The following HS6ST3 variants were observed in gnomAD, a reference collection of about 807,000 sequenced individuals.
The protein encoded by HS6ST3 is heparan sulfate 6-O-sulfotransferase 3.
In HS6ST3, 12 loss-of-function variants were observed where a neutral mutation model predicts 36.7. That is an observed-to-expected ratio of 0.33 (90% CI 0.21 to 0.53). HS6ST3 has a LOEUF of 0.53. Ranked by LOEUF, HS6ST3 falls within the 20% of genes least tolerant of loss-of-function variation. The pLI, the probability that HS6ST3 is intolerant of heterozygous loss-of-function variation, is 0.95. For synonymous variants in HS6ST3, 240 were observed against 257.5 expected (o/e 0.93, Z 0.65); for missense variants, 584 against 640.9 (o/e 0.91, Z 0.96).
At chr13:96,727,318 C>A (rs1019068368) in intron 1 of HS6ST3, among the ~76,000 whole-genome samples, 10 of 152,050 alleles carry the variant, frequency 6.6e-5, no homozygotes, top group African/African-American at 2.4e-4. Flanking sequence ...ATCGTAGTAC[C>A]TGGCATGTAG....
chr13:96,755,731 C>T lies in HS6ST3; in HGVS notation c.708-76759C>T, dbSNP rs559791557. 4.1e-4 allele frequency among the ~76,000 whole-genome samples: 62 copies of T among 152,300 alleles called. No homozygotes were observed. In the South Asian group the frequency reaches 0.012, roughly 29 times the overall value. ...GAATGTAAGCCAGCTTTTAAAAATC[C>T]ATTTTCCTACTAATAGACTTTTGGG... On this transcript the variant is annotated intron_variant, in intron 1 of 1. Transcript: ENST00000376705.
chr13:96,618,431 T>A (rs1481631195), intron 1 of HS6ST3, among the ~76,000 whole-genome samples: 3 of 152,176 alleles, frequency 2.0e-5, no homozygotes, highest in Admixed American at 1.3e-4. Flanking sequence ...AATTTTTACC[T>A]TTCTGGGCCA....
At chr13:96,391,666 G>A (rs1008303196) in intron 1 of HS6ST3, among the ~76,000 whole-genome samples, 20 of 152,100 alleles carry the variant, frequency 1.3e-4, no homozygotes, top group Non-Finnish European at 2.1e-4. Context: ...AGCAAGTCAC[G>A]TATTACATGG....
intron 1 of HS6ST3, among the ~76,000 whole-genome samples, chr13:96,188,905 C>T (rs1052382144): frequency 1.3e-5 from 2 of 151,948 alleles, no homozygotes; most frequent in East Asian, 1.9e-4. Context: ...TATACTATTT[C>T]GTATTTAATT....
intron 1 of HS6ST3, among the ~76,000 whole-genome samples, chr13:96,662,275 G>C (rs1463662028): frequency 6.6e-6 from 1 of 152,006 alleles, no homozygotes; most frequent in Non-Finnish European, 1.5e-5. Flanking sequence ...CAAATTTCTT[G>C]AAGCCTTTGT....
intron 1 of HS6ST3, among the ~76,000 whole-genome samples, chr13:96,572,737 G>A (rs899464375): frequency 6.6e-6 from 1 of 151,908 alleles, no homozygotes; most frequent in Non-Finnish European, 1.5e-5. Flanking sequence ...AGCCTAAACT[G>A]TTGGTGCTGC....
chr13:96,754,880 G>T (rs1245869048), intron 1 of HS6ST3, among the ~76,000 whole-genome samples: 2 of 151,820 alleles, frequency 1.3e-5, no homozygotes, highest in African/African-American at 2.4e-5. Flanking sequence ...TACATTATAG[G>T]TGTAACGTAC....
chr13:96,243,990 A>G (rs561555311), intron 1 of HS6ST3, among the ~76,000 whole-genome samples: 26 of 152,100 alleles, frequency 1.7e-4, no homozygotes, highest in African/African-American at 5.5e-4. Flanking sequence ...GTGGACTTCA[A>G]GATAAACAAA....
chr13:96,497,354 A>C (rs751478404), intron 1 of HS6ST3, among the ~76,000 whole-genome samples: 2 of 152,192 alleles, frequency 1.3e-5, no homozygotes. Flanking sequence ...AATGTGAGGT[A>C]CAAATAGTGA....
intron 1 of HS6ST3, among the ~76,000 whole-genome samples, chr13:96,341,775 G>A (rs2055131717): frequency 6.6e-6 from 1 of 152,120 alleles, no homozygotes; most frequent in Admixed American, 6.5e-5. Flanking sequence ...CTTATGGACT[G>A]TTTAAAAATG....
intron 1 of HS6ST3, among the ~76,000 whole-genome samples, chr13:96,417,049 C>T (rs562379521): frequency 3.5e-4 from 53 of 152,256 alleles, no homozygotes; most frequent in Admixed American, 2.9e-3. Context: ...CGCGCCCGGC[C>T]GGCATGGGGT....
chr13:96,325,254 A>G (rs2055024580), intron 1 of HS6ST3, among the ~76,000 whole-genome samples: 1 of 152,178 alleles, frequency 6.6e-6, no homozygotes, highest in African/African-American at 2.4e-5. Flanking sequence ...ATGCAGTTAT[A>G]TAAATGATAC....
chr13:96,452,242 A>T (rs1231592554), intron 1 of HS6ST3, among the ~76,000 whole-genome samples: 1 of 152,192 alleles, frequency 6.6e-6, no homozygotes, highest in Non-Finnish European at 1.5e-5. Flanking sequence ...ATTCATAGAG[A>T]TTCAGAACTT....
At chr13:96,449,746 T>G (rs1288718182) in intron 1 of HS6ST3, among the ~76,000 whole-genome samples, 1 of 152,224 alleles carries the variant, frequency 6.6e-6, no homozygotes, top group Non-Finnish European at 1.5e-5. Flanking sequence ...ATGTTCATTA[T>G]TATAGAGAAT....
chr13:96,834,211 C>T lies in HS6ST3; in HGVS notation c.*1013C>T, dbSNP rs571451243. The T allele has an allele frequency of 1.3e-5, 2 of 152,066 alleles. No individual in the cohort carries two copies. The highest frequency in any genetic ancestry group is 2.1e-4 in the South Asian group (1 of 4,806). 9.4% of individuals were successfully genotyped at this position (152,066 alleles called of 1,614,324 possible). A position where few individuals can be genotyped will look rare whatever the true frequency, so the allele number is the denominator to read the frequency against. On this transcript the variant is annotated 3_prime_UTR_variant, in exon 2 of 2. Coordinates refer to ENST00000376705, the MANE Select transcript of HS6ST3 (RefSeq NM_153456.4). ...AGAAAGATGTTTTTAAAAGCTTGGC[C>T]CAAAGAATAGGAACTTAGCTAGCAT...
At chr13:96,481,799 A>G (rs1566373425) in intron 1 of HS6ST3, among the ~76,000 whole-genome samples, 1 of 152,148 alleles carries the variant, frequency 6.6e-6, no homozygotes, top group Admixed American at 6.5e-5. Flanking sequence ...GGATAACATT[A>G]TGTGTGCCAA....
intron 1 of HS6ST3, among the ~76,000 whole-genome samples, chr13:96,231,288 C>T (rs2054506796): frequency 6.6e-6 from 1 of 152,086 alleles, no homozygotes. Context: ...TGTGACACTC[C>T]CAAGTCCCAA....
intron 1 of HS6ST3, among the ~76,000 whole-genome samples, chr13:96,207,551 C>G (rs1319577969): frequency 2.6e-5 from 4 of 151,882 alleles, no homozygotes; most frequent in Non-Finnish European, 5.9e-5. Context: ...CAGCACTATT[C>G]ACAATAGCAA....
chr13:96,706,243 G>A (rs182454658), intron 1 of HS6ST3, among the ~76,000 whole-genome samples: 38 of 151,756 alleles, frequency 2.5e-4, no homozygotes, highest in Non-Finnish European at 3.7e-4. Context: ...ATTAGTTCCC[G>A]GATGCTGTGT....
Sources: allele counts gnomAD v4.1 joint callset (sites outside exome capture counted in the v4.1 genomes callset), GRCh38; gene constraint gnomAD v4.1.1; transcripts MANE v1.5; gene names NCBI Gene and HGNC (gene_info 2026-07-23, HGNC 2026-07-21).